The following MITF variants were observed in gnomAD, a reference collection of about 807,000 sequenced individuals.
The protein encoded by MITF is melanocyte inducing transcription factor.
In MITF, 17 loss-of-function variants were observed where a neutral mutation model predicts 60.5. That is an observed-to-expected ratio of 0.28 (90% CI 0.19 to 0.42). MITF has a LOEUF of 0.42. Among genes scored for constraint, MITF ranks in the 10% least tolerant of loss-of-function variants. MITF has a pLI of 1.00. For synonymous variants in MITF, 260 were observed against 248.5 expected (o/e 1.05, Z -0.43); for missense variants, 622 against 683.5 (o/e 0.91, Z 1.00).
intron 1 of MITF, among the ~76,000 whole-genome samples, chr3:69,791,129 C>G (rs544692887): frequency 6.6e-6 from 1 of 152,302 alleles, no homozygotes; most frequent in African/African-American, 2.4e-5. Context: ...AGCAAATGTC[C>G]TGCAAGTCAT....
chr3:69,916,775 G>A (rs1015618898), intron 2 of MITF, among the ~76,000 whole-genome samples: 2 of 152,032 alleles, frequency 1.3e-5, no homozygotes, highest in African/African-American at 2.4e-5. Context: ...ATTTCATCAC[G>A]ATTACATATA....
At chr3:69,840,578 CT>C (rs1193405188) in intron 1 of MITF, among the ~76,000 whole-genome samples, 1 of 151,678 alleles carries the variant, frequency 6.6e-6, no homozygotes, top group East Asian at 1.9e-4. Flanking sequence ...TACCAAAGAG[CT>C]TTTTTTAAAA....
chr3:69,901,979 T>C (rs2065003948), intron 2 of MITF, among the ~76,000 whole-genome samples: 1 of 152,136 alleles, frequency 6.6e-6, no homozygotes, highest in Non-Finnish European at 1.5e-5. Context: ...GTTGGGGCAA[T>C]GGGTAGTAGT....
chr3:69,958,631 A>C (rs2066460232), intron 8 of MITF, among the ~76,000 whole-genome samples: 1 of 151,916 alleles, frequency 6.6e-6, no homozygotes, highest in Non-Finnish European at 1.5e-5. Context: ...TAGTAGTGAG[A>C]TCTCACAGAT....
At chr3:69,741,963 G>A (rs1045669426) in intron 1 of MITF, among the ~76,000 whole-genome samples, 1 of 152,198 alleles carries the variant, frequency 6.6e-6, no homozygotes, top group Non-Finnish European at 1.5e-5. Context: ...GAAGACTGCT[G>A]TAGCCGTTCT....
chr3:69,739,538 C>T lies in MITF; in HGVS notation c.-60C>T, dbSNP rs1703446217. On this transcript the variant is annotated 5_prime_UTR_variant, in exon 1 of 10. Transcript: ENST00000352241. The stretch of plus-strand genomic sequence containing the variant: ...CGGGGGACCCAGGCCCAGCTACCTT[C>T]CCTCCGCCCCCGGGCTCTGTTCTCA... 6.9e-7 allele frequency: 1 copy of T among 1,457,020 alleles called. No individual in the cohort carries two copies. 90.3% of individuals were successfully genotyped at this position (1,457,020 alleles called of 1,614,324 possible).
chr3:69,766,725 G>C (rs1254045273), intron 1 of MITF, among the ~76,000 whole-genome samples: 1 of 152,182 alleles, frequency 6.6e-6, no homozygotes, highest in Non-Finnish European at 1.5e-5. Context: ...TCAGGGATAA[G>C]TATGTGGGAT....
At chr3:69,920,690 C>G (rs1284251480) in intron 2 of MITF, among the ~76,000 whole-genome samples, 2 of 152,162 alleles carry the variant, frequency 1.3e-5, no homozygotes, top group South Asian at 4.1e-4. Flanking sequence ...TTACCCTGCC[C>G]CTTTTGCTTT....
chr3:69,961,682 G>A (rs557544948), intron 9 of MITF, among the ~76,000 whole-genome samples: 1 of 152,306 alleles, frequency 6.6e-6, no homozygotes, highest in South Asian at 2.1e-4. Flanking sequence ...CTGAGATTGT[G>A]CCATTGCACT....
chr3:69,772,213 A>G (rs1309526090), intron 1 of MITF, among the ~76,000 whole-genome samples: 3 of 152,156 alleles, frequency 2.0e-5, no homozygotes, highest in Non-Finnish European at 2.9e-5. Flanking sequence ...GCCAAATATT[A>G]TGTAGTTTTA....
At chr3:69,823,234 G>A (rs970326352) in intron 1 of MITF, among the ~76,000 whole-genome samples, 3 of 152,212 alleles carry the variant, frequency 2.0e-5, no homozygotes, top group African/African-American at 4.8e-5. Context: ...CTTGTTGCTT[G>A]TATGCAGCAT....
chr3:69,958,007 A>T (rs935305972), intron 8 of MITF, among the ~76,000 whole-genome samples: 4 of 152,124 alleles, frequency 2.6e-5, no homozygotes, highest in Non-Finnish European at 4.4e-5. Flanking sequence ...TATAATGGAG[A>T]TCTATATTCA....
chr3:69,803,512 A>G (rs895063316), intron 1 of MITF, among the ~76,000 whole-genome samples: 1 of 152,192 alleles, frequency 6.6e-6, no homozygotes, highest in Non-Finnish European at 1.5e-5. Context: ...TTGGTATGAA[A>G]TAGTTTGCTG....
chr3:69,920,046 A>G (rs1399685688), intron 2 of MITF, among the ~76,000 whole-genome samples: 1 of 152,198 alleles, frequency 6.6e-6, no homozygotes, highest in Non-Finnish European at 1.5e-5. Flanking sequence ...TTATTCCAAT[A>G]TTATAATAAT....
At chr3:69,860,132 C>T (rs1056691209) in intron 1 of MITF, among the ~76,000 whole-genome samples, 10 of 152,156 alleles carry the variant, frequency 6.6e-5, no homozygotes, top group African/African-American at 2.4e-4. Flanking sequence ...TACTGGTTGC[C>T]ATTTATAGAT....
At chr3:69,857,679 G>A (rs1300220166) in intron 1 of MITF, among the ~76,000 whole-genome samples, 2 of 152,054 alleles carry the variant, frequency 1.3e-5, no homozygotes, top group African/African-American at 2.4e-5. Context: ...TTTTCACATT[G>A]TCTGTTTAAA....
At chr3:69,940,451 G>A (rs2065942894) in intron 4 of MITF, among the ~76,000 whole-genome samples, 1 of 152,202 alleles carries the variant, frequency 6.6e-6, no homozygotes. Flanking sequence ...TGTAATCACT[G>A]TTGTTTATTA....
chr3:69,759,917 A>G (rs1374150635), intron 1 of MITF, among the ~76,000 whole-genome samples: 1 of 152,142 alleles, frequency 6.6e-6, no homozygotes, highest in Non-Finnish European at 1.5e-5. Context: ...AGCTGGGACT[A>G]CAGGCACCCG....
Position 69,887,548 on chromosome 3 carries a change from T to A in MITF, c.354+8165T>A, listed in dbSNP as rs1224780985. ...AGTTATTCAGATCTTATTTATAAAT[T>A]TAGATGTTTTTTGTTTAGTAATTTA... On this transcript the variant is annotated intron_variant, in intron 2 of 9. Transcript: ENST00000352241. 2.0e-5 allele frequency among the ~76,000 whole-genome samples: 3 copies of A among 152,164 alleles called. No homozygotes were observed. In the East Asian group the frequency reaches 5.8e-4, roughly 29 times the overall value.
Sources: allele counts gnomAD v4.1 joint callset (sites outside exome capture counted in the v4.1 genomes callset), GRCh38; gene constraint gnomAD v4.1.1; transcripts MANE v1.5; gene names NCBI Gene and HGNC (gene_info 2026-07-23, HGNC 2026-07-21).